PPP1R18: variants seen among roughly 807,000 people sequenced by gnomAD.
PPP1R18 encodes protein phosphatase 1 regulatory subunit 18.
A neutral mutation model predicts 54.8 loss-of-function variants in PPP1R18; 31 were observed. The ratio of observed to expected loss-of-function variants is 0.57; its 90% confidence interval spans 0.43 to 0.76. The LOEUF is 0.76. Among genes scored for constraint, PPP1R18 ranks in the 30% least tolerant of loss-of-function variants. The pLI is 0.00. For synonymous variants in PPP1R18, 310 were observed against 320.2 expected, an observed-to-expected ratio of 0.97 and a Z score of 0.34; for missense variants, 685 against 776.1, an observed-to-expected ratio of 0.88 and a Z score of 1.39.
chr6:30,681,391 A>G (rs1770542360), intron 1 of PPP1R18, among the ~76,000 whole-genome samples: 1 of 150,680 alleles, frequency 6.6e-6, no homozygotes, highest in South Asian at 2.1e-4. Flanking sequence ...CCACTGTTCT[A>G]TTTTTTTTTC....
chr6:30,682,440 A>C (rs1770599184), intron 1 of PPP1R18, among the ~76,000 whole-genome samples: 1 of 152,142 alleles, frequency 6.6e-6, no homozygotes, highest in Non-Finnish European at 1.5e-5. Context: ...TATTTAGGGA[A>C]GGTGAAGCGG....
Position 30,685,312 on chromosome 6 carries a change from GTC to G in PPP1R18, c.705_706del (p.Thr236ArgfsTer4), listed in dbSNP as rs745925738. ...GTCAGGTCTCCATTTATGGGCCTCT[GTC>G]AGGCCCAACTTCTGGTAGGCAGATT... is the stretch of plus-strand genomic sequence containing the variant. On this transcript the variant is annotated frameshift_variant, in exon 1 of 3. Coordinates refer to ENST00000274853, the MANE Select transcript of PPP1R18 (RefSeq NM_133471.4). LOFTEE classifies it high-confidence loss of function. The surrounding 1 kb of genome is among the most constrained non-coding windows in gnomAD (Gnocchi z 5.0). 6.2e-7 allele frequency: 1 copy of G among 1,613,034 alleles called. No individual in the cohort carries two copies. Among genetic ancestry groups the G allele is most frequent in the Middle Eastern group, 1.6e-4 (1 of 6,062 alleles).
chr6:30,682,574 C>T (rs1327333307), intron 1 of PPP1R18, among the ~76,000 whole-genome samples: 7 of 152,098 alleles, frequency 4.6e-5, no homozygotes, highest in Non-Finnish European at 1.0e-4. Context: ...GAGGGTGAGG[C>T]GTCTGGGTCA....
At position 30,684,305 on chromosome 6, in the gene PPP1R18, T is replaced by A; in HGVS notation, c.1611+103A>T. ...GGTGGCAGGAATTAACAAGAAAGAA[T>A]AGAGGAAGACAAGAAAACAGGGGTA... On this transcript the variant is annotated intron_variant, in intron 1 of 2. Coordinates refer to ENST00000274853, the MANE Select transcript of PPP1R18 (RefSeq NM_133471.4). The surrounding 1 kb of genome is among the most constrained non-coding windows in gnomAD (Gnocchi z 6.0). 8.4e-7 allele frequency: 1 copy of A among 1,183,450 alleles called. No homozygotes were observed. Among genetic ancestry groups the A allele is most frequent in the Non-Finnish European group, 1.2e-6 (1 of 852,158 alleles). 73.3% of individuals were successfully genotyped at this position (1,183,450 alleles called of 1,614,324 possible).
Position 30,686,282 on chromosome 6 carries a change from G to A in PPP1R18, c.-264C>T, listed in dbSNP as rs984944912. ...GGGGGTGATGTGAGAGGAAGAGTCC[G>A]GATTGGAGGCAATGAGGGCAGGAGC... On this transcript the variant is annotated 5_prime_UTR_variant, in exon 1 of 3. Coordinates refer to ENST00000274853, the MANE Select transcript of PPP1R18 (RefSeq NM_133471.4). 2.0e-6 allele frequency: 1 copy of A among 492,232 alleles called. No homozygotes were observed. The highest frequency in any genetic ancestry group is 3.6e-6 in the Non-Finnish European group (1 of 279,254). 30.5% of individuals were successfully genotyped at this position (492,232 alleles called of 1,614,324 possible).
chr6:30,679,349 T>C lies in PPP1R18; in HGVS notation c.1652A>G (p.Tyr551Cys). Residue 551 changes from tyrosine (Y) to cysteine (C), a missense_variant, in exon 2 of 3, where the codon TAC (tyrosine) becomes TGC (cysteine). Coordinates refer to ENST00000274853, the MANE Select transcript of PPP1R18 (RefSeq NM_133471.4). ...TACCGAACTCTCGGAGGGGTATTGGTACGTGGTCTCCAGGGCTGTCTCGCT... is the reference window on the plus strand; with the variant it reads ...TACCGAACTCTCGGAGGGGTATTGGCACGTGGTCTCCAGGGCTGTCTCGCT... ...SFSETALETT[Y>C]QYPSESSVLE... The C allele has an allele frequency of 1.1e-5, 18 of 1,574,256 alleles. No homozygotes were observed. The highest frequency in any genetic ancestry group is 1.5e-5 in the Non-Finnish European group (18 of 1,161,452).
chr6:30,686,197 G>A lies in PPP1R18; in HGVS notation c.-179C>T. 1 of 594,242 alleles carries A rather than the reference G, an allele frequency of 1.7e-6. No individual in the cohort carries two copies. Among genetic ancestry groups the A allele is most frequent in the Non-Finnish European group, 2.9e-6 (1 of 350,376 alleles). 36.8% of individuals were successfully genotyped at this position (594,242 alleles called of 1,614,324 possible). A position where few individuals can be genotyped will look rare whatever the true frequency, so the allele number is the denominator to read the frequency against. ...ATGAGGACAGAGGGAAAGACGGAAG[G>A]CAGAGAACTGGGGAAATGGAAAAAG... On this transcript the variant is annotated 5_prime_UTR_variant, in exon 1 of 3. Coordinates refer to ENST00000274853, the MANE Select transcript of PPP1R18 (RefSeq NM_133471.4).
chr6:30,686,263 G>A lies in PPP1R18; in HGVS notation c.-245C>T. 1.9e-6 allele frequency: 1 copy of A among 515,460 alleles called. No homozygotes were observed. Among genetic ancestry groups the A allele is most frequent in the South Asian group, 3.1e-5 (1 of 32,456 alleles). The allele number at this position is 515,460 out of a possible 1,614,324, so 31.9% of individuals were successfully genotyped here. On this transcript the variant is annotated 5_prime_UTR_variant, in exon 1 of 3. Coordinates refer to ENST00000274853, the MANE Select transcript of PPP1R18 (RefSeq NM_133471.4). Reference sequence around the variant, plus strand: ...AGCCCAAGTTGGGGGTGGTGGGGGTGATGTGAGAGGAAGAGTCCGGATTGG... The same window carrying A: ...AGCCCAAGTTGGGGGTGGTGGGGGTAATGTGAGAGGAAGAGTCCGGATTGG...
Position 30,677,106 on chromosome 6 carries a change from A to T in PPP1R18, c.*163T>A, listed in dbSNP as rs1252551893. On this transcript the variant is annotated 3_prime_UTR_variant, in exon 3 of 3. Transcript: ENST00000274853. ...TTTGGATTAGGGTAGAAATTGGGCA[A>T]TTGGCTCTGCCCCCAGAAACAGGGT... 1 of 753,728 alleles carries T rather than the reference A, an allele frequency of 1.3e-6. No homozygotes were observed. The highest frequency in any genetic ancestry group is 2.4e-6 in the Non-Finnish European group (1 of 416,362). 46.7% of individuals were successfully genotyped at this position (753,728 alleles called of 1,614,324 possible).
chr6:30,677,398 A>G (rs564431096), intron 2 of PPP1R18, 110 bp from the exon 3 acceptor site: 2 of 850,818 alleles, frequency 2.4e-6, no homozygotes, highest in East Asian at 2.6e-5. Context: ...GAAGTCCTAT[A>G]ATATCTTCCA....
intron 2 of PPP1R18, among the ~76,000 whole-genome samples, chr6:30,678,621 G>A (rs1259300461): frequency 8.7e-5 from 13 of 150,194 alleles, no homozygotes; most frequent in Middle Eastern, 7.3e-3. Flanking sequence ...TTCGTGATCC[G>A]CCCGCCTCGG....
At chr6:30,687,707 G>A (rs1157257074), upstream of PPP1R18, 1 of 152,836 alleles carries the variant, frequency 6.5e-6, no homozygotes, top group East Asian at 1.9e-4. The surrounding 1 kb of genome is among the most constrained non-coding windows in gnomAD (Gnocchi z 7.9). Context: ...CCAGGCTGTG[G>A]GGGGCTTTGT....
In PPP1R18 at chr6:30,679,222, C is replaced by A. The variant is rs1562019190; in HGVS notation, c.1779G>T (p.Gln593His). 1 of 1,585,292 alleles carries A rather than the reference C, an allele frequency of 6.3e-7. No homozygotes were observed. The highest frequency in any genetic ancestry group is 1.1e-5 in the South Asian group (1 of 88,784). Reference protein sequence around the residue: ...EEDEEELLLLQPELQGGLRTK... With the variant: ...EEDEEELLLLHPELQGGLRTK... ...TGCGCAGCCCGCCCTGGAGCTCTGG[C>A]TGCAGCAGCAGCAGCTCTTCCTCAT... is the stretch of plus-strand genomic sequence containing the variant. Residue 593 changes from glutamine to histidine, a missense_variant, in exon 2 of 3, where the codon CAG becomes CAT. By Grantham distance (24) the Gln-to-His change is conservative. Coordinates refer to ENST00000274853, the MANE Select transcript of PPP1R18 (RefSeq NM_133471.4).
At position 30,683,968 on chromosome 6, in the gene PPP1R18, C is replaced by T. The variant is rs1487752422; in HGVS notation, c.1611+440G>A. 1.3e-5 allele frequency among the ~76,000 whole-genome samples: 2 copies of T among 151,876 alleles called. No homozygotes were observed. The highest frequency in any genetic ancestry group is 2.9e-5 in the Non-Finnish European group (2 of 67,990). ...CAAACCCACCCCACCCCCTCCACCA[C>T]CCCAGGCTCCCTATCCCTTCTCCCC... is the stretch of plus-strand genomic sequence containing the variant. On this transcript the variant is annotated intron_variant, in intron 1 of 2. Transcript: ENST00000274853. This position sits in a 1 kb window ranked among gnomAD's most constrained non-coding sequence, Gnocchi z 5.1.
At position 30,684,324 on chromosome 6, in the gene PPP1R18, A is replaced by T; in HGVS notation, c.1611+84T>A. ...AAAGAATAGAGGAAGACAAGAAAAC[A>T]GGGGTATAAAAAAGAAAGAGACCAG... On this transcript the variant is annotated intron_variant, in intron 1 of 2. Coordinates refer to ENST00000274853, the MANE Select transcript of PPP1R18 (RefSeq NM_133471.4). The surrounding 1 kb of genome is among the most constrained non-coding windows in gnomAD (Gnocchi z 6.0). 7.5e-7 allele frequency: 1 copy of T among 1,332,730 alleles called. No individual in the cohort carries two copies. The highest frequency in any genetic ancestry group is 1.0e-6 in the Non-Finnish European group (1 of 980,738). 82.6% of individuals were successfully genotyped at this position (1,332,730 alleles called of 1,614,324 possible).
In PPP1R18 at chr6:30,676,917, G is replaced by A. The variant is rs537179285; in HGVS notation, c.*352C>T. 246 of 429,094 alleles carry A rather than the reference G, an allele frequency of 5.7e-4. No homozygotes were observed. The Middle Eastern group carries it at 6.4e-3, about 11-fold the overall frequency. The allele number at this position is 429,094 out of a possible 1,614,324, so 26.6% of individuals were successfully genotyped here. A position where few individuals can be genotyped will look rare whatever the true frequency, so the allele number is the denominator to read the frequency against. On this transcript the variant is annotated 3_prime_UTR_variant, in exon 3 of 3. Transcript: ENST00000274853. ...GTGCTTAAATCCCGAGAGTCCCCAC[G>A]GGATGGTGGGGAGGAAGGCTGTGGG...
chr6:30,679,151 C>G (rs539347236), intron 2 of PPP1R18, 28 bp downstream of exon 2: 1 of 1,588,064 alleles, frequency 6.3e-7, no homozygotes, highest in Admixed American at 1.7e-5. Flanking sequence ...GCAGGGGGCG[C>G]CCTCGGGCCG....
upstream of PPP1R18, chr6:30,687,095 A>C (rs187941919): frequency 1.7e-4 from 26 of 153,166 alleles, no homozygotes; most frequent in African/African-American, 6.3e-4. This position sits in a 1 kb window ranked among gnomAD's most constrained non-coding sequence, Gnocchi z 7.9. Context: ...CCCAAGTCTG[A>C]GCCCCTCAGT....
In PPP1R18 at chr6:30,684,716, G is replaced by A; in HGVS notation, c.1303C>T (p.Pro435Ser). The change falls in exon 1 of 3, where the codon CCC (proline) becomes TCC (serine). Residue 435 changes from proline (P) to serine (S), a missense_variant. Coordinates refer to ENST00000274853, the MANE Select transcript of PPP1R18 (RefSeq NM_133471.4). This position sits in a 1 kb window ranked among gnomAD's most constrained non-coding sequence, Gnocchi z 6.0. ...GGTTGGGGGGCAGTTGGGGCTGGGG[G>A]TGGGGGAGACAGAGGGGCTGGTGGT... is the stretch of plus-strand genomic sequence containing the variant. ...PPPPAPLSPP[P>S]PAPTAPQPPG... The A allele has an allele frequency of 2.7e-6, 4 of 1,492,678 alleles. No individual in the cohort carries two copies. Among genetic ancestry groups the A allele is most frequent in the Non-Finnish European group, 2.7e-6 (3 of 1,112,988 alleles). 92.5% of individuals were successfully genotyped at this position (1,492,678 alleles called of 1,614,324 possible).
Sources: allele counts gnomAD v4.1 joint callset (sites outside exome capture counted in the v4.1 genomes callset), GRCh38; gene constraint gnomAD v4.1.1; non-coding constraint Gnocchi (gnomAD v3.1); transcripts MANE v1.5; gene names NCBI Gene and HGNC (gene_info 2026-07-23, HGNC 2026-07-21).